KCTD5: variants seen among roughly 807,000 people sequenced by gnomAD.
The protein encoded by KCTD5 is potassium channel tetramerization domain containing 5, also known as BTB/POZ domain-containing protein KCTD5.
A neutral mutation model predicts 27.9 loss-of-function variants in KCTD5; 12 were observed. The observed-to-expected ratio is 0.43, with a 90% CI of 0.28 to 0.70. The LOEUF is 0.70. Ranked by LOEUF, KCTD5 falls within the 30% of genes least tolerant of loss-of-function variation. KCTD5 has a pLI of 0.19. For missense variants in KCTD5, 226 were observed against 274.8 expected, an observed-to-expected ratio of 0.82 and a Z score of 1.26; for synonymous variants, 147 against 121.4, an observed-to-expected ratio of 1.21 and a Z score of -1.39.
chr16:2,705,326 C>G (rs560369854), intron 5 of KCTD5, among the ~76,000 whole-genome samples: 1 of 152,316 alleles, frequency 6.6e-6, no homozygotes, highest in African/African-American at 2.4e-5. Context: ...CTCAGTAGCA[C>G]TGTCTTGGTG....
chr16:2,690,472 C>G, intron 1 of KCTD5, among the ~76,000 whole-genome samples: 1 of 152,182 alleles, frequency 6.6e-6, no homozygotes, highest in East Asian at 1.9e-4. Flanking sequence ...CAGTGAGACG[C>G]GGGGAAGATG....
At chr16:2,700,542 C>T (rs1409503785) in intron 4 of KCTD5, among the ~76,000 whole-genome samples, 1 of 152,220 alleles carries the variant, frequency 6.6e-6, no homozygotes, top group Non-Finnish European at 1.5e-5. Context: ...TGGCCTCTGA[C>T]CGGGGGGCCC....
chr16:2,702,257 T>C, intron 4 of KCTD5, 96 bp from the exon 5 acceptor site: 1 of 1,500,272 alleles, frequency 6.7e-7, no homozygotes, highest in Non-Finnish European at 9.1e-7. Context: ...TGCTGTGGCT[T>C]TCGCGGTGGC....
At chr16:2,700,424 A>G (rs1240948449) in intron 4 of KCTD5, among the ~76,000 whole-genome samples, 1 of 152,154 alleles carries the variant, frequency 6.6e-6, no homozygotes, top group Non-Finnish European at 1.5e-5. Context: ...GGGTCTGTGC[A>G]GGGCATGCCT....
At chr16:2,700,030 C>T in intron 4 of KCTD5, 114 bp downstream of exon 4, 1 of 971,906 alleles carries the variant, frequency 1.0e-6, no homozygotes, top group Middle Eastern at 2.5e-4. Flanking sequence ...CGTCTTCCTG[C>T]AGTTCTGGGG....
chr16:2,692,604 T>C (rs1176227031), intron 1 of KCTD5, among the ~76,000 whole-genome samples: 1 of 152,186 alleles, frequency 6.6e-6, no homozygotes, highest in Non-Finnish European at 1.5e-5. Context: ...GCATACTAAT[T>C]GGTTCATGGG....
intron 1 of KCTD5, among the ~76,000 whole-genome samples, chr16:2,688,711 C>T (rs1457283770): frequency 9.6e-6 from 1 of 104,044 alleles, no homozygotes; most frequent in Non-Finnish European, 1.9e-5. Flanking sequence ...GCCAGTCCCC[C>T]TGCTGCCACC....
rs535928468 is a variant in KCTD5, at chr16:2,698,128, C to G, written c.453+131C>G. On this transcript the variant is annotated intron_variant, in intron 3 of 5. Coordinates refer to ENST00000301738, the MANE Select transcript of KCTD5 (RefSeq NM_018992.4). ...GCTCTCCTACCCTGAGACCCTTGTC[C>G]TCTGTCACTGCCCCAGTGCCTGCCA... The G allele has an allele frequency of 1.7e-5, 11 of 640,736 alleles. No individual in the cohort carries two copies. In the Admixed American group the frequency reaches 2.2e-4, roughly 13 times the overall value. 39.7% of individuals were successfully genotyped at this position (640,736 alleles called of 1,614,324 possible).
chr16:2,701,110 C>T (rs551855070), intron 4 of KCTD5, among the ~76,000 whole-genome samples: 23 of 152,358 alleles, frequency 1.5e-4, no homozygotes, highest in African/African-American at 4.6e-4. Context: ...CTTCTGCCAC[C>T]GTCTTGTGAC....
In KCTD5 at chr16:2,708,463, T is replaced by G. The variant is rs1229128554; in HGVS notation, c.*1136T>G. The stretch of plus-strand genomic sequence containing the variant: ...TGGGGACCTGTCAGAGTCTGGGGAC[T>G]CGGCGTGCAGGGCGGGCTCCAAGCG... On this transcript the variant is annotated 3_prime_UTR_variant, in exon 6 of 6. Transcript: ENST00000301738. The G allele has an allele frequency of 6.6e-6, 1 of 152,472 alleles. No homozygotes were observed. The highest frequency in any genetic ancestry group is 2.4e-5 in the African/African-American group (1 of 41,466). The allele number at this position is 152,472 out of a possible 1,614,324, so 9.4% of individuals were successfully genotyped here. A position where few individuals can be genotyped will look rare whatever the true frequency, so the allele number is the denominator to read the frequency against.
rs757367095 is a variant in KCTD5 at position 2,704,556 on chromosome 16, C to T, written c.675+2078C>T. On this transcript the variant is annotated intron_variant, in intron 5 of 5. Coordinates refer to ENST00000301738, the MANE Select transcript of KCTD5 (RefSeq NM_018992.4). ...CACTGAGAGCGCTTAGACTCAAGGC[C>T]GCCATTTATTCCCAAGGAACAGAGA... is the stretch of plus-strand genomic sequence containing the variant. 2.6e-4 allele frequency among the ~76,000 whole-genome samples: 40 copies of T among 152,368 alleles called. No individual in the cohort carries two copies. The East Asian group carries it at 4.0e-3, about 15-fold the overall frequency.
At chr16:2,702,315 C>G in intron 4 of KCTD5, 38 bp from the exon 5 acceptor site, 1 of 1,611,570 alleles carries the variant, frequency 6.2e-7, no homozygotes, top group African/African-American at 1.3e-5. Flanking sequence ...GTCTCTCAGG[C>G]TTCACTGGGC....
intron 1 of KCTD5, among the ~76,000 whole-genome samples, chr16:2,692,400 A>G (rs936747765): frequency 6.6e-6 from 1 of 152,178 alleles, no homozygotes; most frequent in Non-Finnish European, 1.5e-5. Flanking sequence ...AGGTCGGCTC[A>G]TTCAGTTGGC....
chr16:2,692,123 G>A lies in KCTD5; in HGVS notation c.253-3812G>A, dbSNP rs113007216. 3.4e-3 allele frequency among the ~76,000 whole-genome samples: 513 copies of A among 152,322 alleles called. 5 individuals carry two copies. The highest frequency in any genetic ancestry group is 0.012 in the African/African-American group (482 of 41,578). On this transcript the variant is annotated intron_variant, in intron 1 of 5. Coordinates refer to ENST00000301738, the MANE Select transcript of KCTD5 (RefSeq NM_018992.4). ...CTCTCTTCAGGCACCCTGGAAAGGT[G>A]CCATGGCTCCGGCTGGTAAACTTGG... is the stretch of plus-strand genomic sequence containing the variant.
chr16:2,690,649 C>G (rs2067562292), intron 1 of KCTD5, among the ~76,000 whole-genome samples: 2 of 152,238 alleles, frequency 1.3e-5, no homozygotes, highest in Admixed American at 1.3e-4. Flanking sequence ...CAGCATCTCA[C>G]TGGCTTCCTG....
Position 2,685,119 on chromosome 16 carries a change from T to G in KCTD5, c.252+2319T>G, listed in dbSNP as rs564142357. Among the ~76,000 whole-genome samples, 7 of 152,324 alleles carry G rather than the reference T, an allele frequency of 4.6e-5. No individual in the cohort carries two copies. The South Asian group carries it at 1.5e-3, about 32-fold the overall frequency. On this transcript the variant is annotated intron_variant, in intron 1 of 5. Transcript: ENST00000301738. ...GTAAAGTAGCAGATACAGTCGTCTC[T>G]GTCTCATACAATAATTGGAGTAGGG...
At position 2,683,062 on chromosome 16, in the gene KCTD5, C is replaced by T. The variant is rs147563217; in HGVS notation, c.252+262C>T. On this transcript the variant is annotated intron_variant, in intron 1 of 5. Transcript: ENST00000301738. ...CACCTTGGGGGTGTCTCTTCCTCGC[C>T]CTCTTTGCTCTTTGGTGGAGGAGGC... 2,461 of 432,662 alleles carry T rather than the reference C, an allele frequency of 5.7e-3. 20 individuals carry two copies. The highest frequency in any genetic ancestry group is 0.018 in the South Asian group (451 of 24,520). 26.8% of individuals were successfully genotyped at this position (432,662 alleles called of 1,614,324 possible). A position where few individuals can be genotyped will look rare whatever the true frequency, so the allele number is the denominator to read the frequency against.
chr16:2,688,264 T>C (rs2067550909), intron 1 of KCTD5, among the ~76,000 whole-genome samples: 1 of 139,246 alleles, frequency 7.2e-6, no homozygotes, highest in Admixed American at 7.6e-5. Context: ...TTTATTTATT[T>C]ATTTGAGACG....
chr16:2,699,979 T>C (rs2067603961), intron 4 of KCTD5, 63 bp downstream of exon 4: 1 of 1,444,722 alleles, frequency 6.9e-7, no homozygotes, highest in Non-Finnish European at 9.7e-7. Flanking sequence ...TCACAATGGC[T>C]CAGGGCTCAG....
Sources: gnomAD v4.1 joint callset for allele counts (sites outside exome capture counted in the v4.1 genomes callset) on GRCh38, gnomAD v4.1.1 for gene constraint, MANE v1.5 for transcripts, NCBI Gene and HGNC (gene_info 2026-07-23, HGNC 2026-07-21) for gene names.